The following N4BP2 variants were observed in gnomAD, a reference collection of about 807,000 sequenced individuals.
N4BP2 encodes the protein NEDD4 binding protein 2, also known as NEDD4-binding protein 2.
Under a neutral mutation model 152.8 loss-of-function variants are expected in N4BP2, and 91 were observed. That is an observed-to-expected ratio of 0.60 (90% CI 0.50 to 0.71). N4BP2 has a LOEUF of 0.71. N4BP2 is among the 30% of genes least tolerant of loss of function. The pLI is 0.00. For missense variants in N4BP2, 1,923 were observed against 2,059.1 expected (o/e 0.93, Z 1.28); for synonymous variants, 646 against 705.3 (o/e 0.92, Z 1.33).
intron 16 of N4BP2, among the ~76,000 whole-genome samples, chr4:40,150,500 C>T (rs957492017): frequency 6.6e-6 from 1 of 152,074 alleles, no homozygotes; most frequent in Admixed American, 6.5e-5. Flanking sequence ...AACCACGTCT[C>T]CACTAATAAT....
chr4:40,159,796 A>T (rs1319987210), downstream of N4BP2, among the ~76,000 whole-genome samples: 1 of 152,190 alleles, frequency 6.6e-6, no homozygotes, highest in African/African-American at 2.4e-5. Flanking sequence ...TTATCATTAT[A>T]TGCAAATAAT....
intron 12 of N4BP2, among the ~76,000 whole-genome samples, chr4:40,128,558 C>T (rs534721841): frequency 1.2e-4 from 18 of 146,622 alleles, no homozygotes; most frequent in African/African-American, 4.0e-4. Context: ...TTTTGAGTCT[C>T]GTTCTGTCAC....
intron 1 of N4BP2, among the ~76,000 whole-genome samples, chr4:40,069,364 G>A (rs1218767376): frequency 6.6e-6 from 1 of 152,082 alleles, no homozygotes; most frequent in African/African-American, 2.4e-5. Context: ...CTTGAACCTG[G>A]GAGGTGGAGC....
intron 2 of N4BP2, among the ~76,000 whole-genome samples, chr4:40,087,320 A>T (rs1294958525): frequency 6.6e-6 from 1 of 151,872 alleles, no homozygotes; most frequent in Non-Finnish European, 1.5e-5. Flanking sequence ...ATGGTTACAG[A>T]GAGGGGAGTT....
chr4:40,109,336 T>G (rs1283044979), intron 5 of N4BP2, among the ~76,000 whole-genome samples: 1 of 152,226 alleles, frequency 6.6e-6, no homozygotes, highest in Non-Finnish European at 1.5e-5. Context: ...AATTTACTTA[T>G]ACTTTCCAAG....
In N4BP2 at chr4:40,120,648, A is replaced by G. The variant is rs1560613890; in HGVS notation, c.2537A>G (p.Glu846Gly). The G allele has an allele frequency of 2.5e-6, 4 of 1,614,044 alleles. No homozygotes were observed. Among genetic ancestry groups the G allele is most frequent in the Non-Finnish European group, 3.4e-6 (4 of 1,179,924 alleles). ...DCVQQRGSPHESVEDGRKSQC... is the reference protein window; with the variant it reads ...DCVQQRGSPHGSVEDGRKSQC... ...GTCCAGCAACGAGGATCTCCACATG[A>G]AAGTGTAGAGGATGGCAGAAAGTCA... is the stretch of plus-strand genomic sequence containing the variant. Residue 846 changes from glutamate (E) to glycine (G), a missense_variant, in exon 9 of 18, where the codon GAA becomes GGA. By Grantham distance (98) the Glu-to-Gly change is moderately conservative (BLOSUM62 -2). Transcript: ENST00000261435.
chr4:40,099,932 T>A (rs1173622891), intron 3 of N4BP2: 1 of 196,170 alleles, frequency 5.1e-6, no homozygotes. Context: ...CCTTTTTTTT[T>A]CTTCCATTTT....
intron 1 of N4BP2, among the ~76,000 whole-genome samples, chr4:40,069,472 G>A (rs1711932880): frequency 6.6e-6 from 1 of 151,946 alleles, no homozygotes; most frequent in African/African-American, 2.4e-5. Flanking sequence ...CTTACAGCGT[G>A]GTTGAATTTT....
chr4:40,071,715 C>T (rs1454638987), intron 1 of N4BP2, among the ~76,000 whole-genome samples: 3 of 150,594 alleles, frequency 2.0e-5, no homozygotes, highest in Admixed American at 6.6e-5. Context: ...TACAGGCTCT[C>T]GCCACCACGC....
intron 1 of N4BP2, among the ~76,000 whole-genome samples, chr4:40,067,867 A>G (rs1188115396): frequency 2.6e-5 from 4 of 151,966 alleles, no homozygotes; most frequent in African/African-American, 9.7e-5. Flanking sequence ...TTTAGTAGAG[A>G]TGGCGTTTTA....
intron 5 of N4BP2, among the ~76,000 whole-genome samples, chr4:40,108,230 A>G (rs1003754523): frequency 6.6e-6 from 1 of 152,036 alleles, no homozygotes; most frequent in Non-Finnish European, 1.5e-5. Context: ...CACCATGCCC[A>G]GCCTGGTTAC....
intron 12 of N4BP2, among the ~76,000 whole-genome samples, 158 bp from the exon 13 acceptor site, chr4:40,131,643 A>C (rs1471431068): frequency 6.6e-6 from 1 of 152,226 alleles, no homozygotes; most frequent in Non-Finnish European, 1.5e-5. Flanking sequence ...ATAGTGCAAG[A>C]GTACTCGTAT....
intron 2 of N4BP2, among the ~76,000 whole-genome samples, chr4:40,079,014 C>T (rs535759370): frequency 9.9e-5 from 15 of 151,986 alleles, no homozygotes; most frequent in Admixed American, 3.3e-4. Flanking sequence ...TGCAGTGGCG[C>T]GATCTCAAGC....
In N4BP2 at chr4:40,121,543, G is replaced by A. The variant is rs143339561; in HGVS notation, c.3432G>A (p.Ser1144=). 2.2e-4 allele frequency: 361 copies of A among 1,614,100 alleles called. 1 individual carries two copies. Among genetic ancestry groups the A allele is most frequent in the Middle Eastern group, 8.2e-4 (5 of 6,062 alleles). ...CAGAGTTTGAGAATTTCCAAAAATCGTGTGATGGATCACAAATTGGGCCTT... is the reference window on the plus strand; with the variant it reads ...CAGAGTTTGAGAATTTCCAAAAATCATGTGATGGATCACAAATTGGGCCTT... ...EDTEFENFQK[S]CDGSQIGPFS... is the part of the protein sequence containing the mutation. Residue 1144 remains serine (S), a synonymous_variant, in exon 9 of 18, where the codon TCG becomes TCA. Coordinates refer to ENST00000261435, the MANE Select transcript of N4BP2 (RefSeq NM_018177.6).
At chr4:40,127,965 C>G (rs1467128256) in intron 12 of N4BP2, among the ~76,000 whole-genome samples, 3 of 152,100 alleles carry the variant, frequency 2.0e-5, no homozygotes, top group Non-Finnish European at 4.4e-5. Context: ...CTGGCCAAAA[C>G]AAAATATTTT....
chr4:40,131,650 G>A (rs113674388), intron 12 of N4BP2, 151 bp from the exon 13 acceptor site: 10 of 597,122 alleles, frequency 1.7e-5, no homozygotes, highest in African/African-American at 5.6e-5. Context: ...AAGAGTACTC[G>A]TATTACTAAT....
Position 40,155,089 on chromosome 4 carries a change from GA to G in N4BP2, c.*856del. 6.6e-6 allele frequency: 1 copy of G among 152,120 alleles called. No homozygotes were observed. The highest frequency in any genetic ancestry group is 1.9e-4 in the East Asian group (1 of 5,202). 9.4% of individuals were successfully genotyped at this position (152,120 alleles called of 1,614,324 possible). On this transcript the variant is annotated 3_prime_UTR_variant, in exon 18 of 18. Coordinates refer to ENST00000261435, the MANE Select transcript of N4BP2 (RefSeq NM_018177.6). ...GTTAAAATTCTATTAAACAAATATA[GA>G]AAATATTTTGTTTATAATTGGCCTG...
At chr4:40,067,054 CTTTT>C (rs34768159) in intron 1 of N4BP2, among the ~76,000 whole-genome samples, 11 of 91,604 alleles carry the variant, frequency 1.2e-4, no homozygotes, top group Admixed American at 1.4e-4. Context: ...ACCTAATTTC[CTTTT>C]TTTTTTTTTT....
downstream of N4BP2, among the ~76,000 whole-genome samples, chr4:40,161,807 G>A (rs57169655): frequency 0.021 from 3,131 of 152,252 alleles, 112 homozygotes; most frequent in African/African-American, 0.07. Context: ...TTTTTAAAAA[G>A]TTGATGGAAG....
Sources: allele counts gnomAD v4.1 joint callset (sites outside exome capture counted in the v4.1 genomes callset), GRCh38; gene constraint gnomAD v4.1.1; transcripts MANE v1.5; gene names NCBI Gene and HGNC (gene_info 2026-07-23, HGNC 2026-07-21).